The following POMT2 variants were observed in gnomAD, a reference collection of about 807,000 sequenced individuals.
POMT2 encodes protein O-mannosyl-transferase 2.
Under a neutral mutation model 100.0 loss-of-function variants are expected in POMT2, and 75 were observed. The observed-to-expected ratio is 0.75, with a 90% CI of 0.62 to 0.91. The LOEUF is 0.91. Ranked by LOEUF, POMT2 falls within the 40% of genes least tolerant of loss-of-function variation. The pLI, the probability that POMT2 is intolerant of heterozygous loss-of-function variation, is 0.00. For missense variants in POMT2, 940 were observed against 955.1 expected, an observed-to-expected ratio of 0.98 and a Z score of 0.21; for synonymous variants, 378 against 374.1, an observed-to-expected ratio of 1.01 and a Z score of -0.12.
intron 9 of POMT2, among the ~76,000 whole-genome samples, chr14:77,294,262 G>A (rs1479765768): frequency 6.6e-6 from 1 of 152,218 alleles, no homozygotes; most frequent in Non-Finnish European, 1.5e-5. Context: ...CGTGTTGTGG[G>A]AGGGACCCGG....
At chr14:77,279,977 G>A (rs763644188) in intron 17 of POMT2, 44 bp downstream of exon 17, 146 of 1,614,036 alleles carry the variant, frequency 9.0e-5, no homozygotes, top group Middle Eastern at 1.6e-4. Flanking sequence ...GCTCTCCACG[G>A]GCAAGTGCTC....
At chr14:77,305,752 G>A (rs1236233813) in intron 3 of POMT2, among the ~76,000 whole-genome samples, 3 of 152,222 alleles carry the variant, frequency 2.0e-5, no homozygotes, top group African/African-American at 7.2e-5. Context: ...TTAAGGCCCT[G>A]CCATGTTCCA....
intron 15 of POMT2, 124 bp from the exon 16 acceptor site, chr14:77,280,587 C>G (rs1412724346): frequency 1.3e-6 from 2 of 1,549,806 alleles, no homozygotes; most frequent in African/African-American, 2.7e-5. Flanking sequence ...CTTCCCTTCC[C>G]TTGCAGGGAA....
chr14:77,296,111 C>G, intron 9 of POMT2, 53 bp downstream of exon 9: 1 of 1,353,686 alleles, frequency 7.4e-7, no homozygotes, highest in Non-Finnish European at 1.0e-6. Context: ...AGAGAGTGAA[C>G]TGTCATGGCG....
intron 19 of POMT2, 38 bp from the exon 20 acceptor site, chr14:77,278,546 G>C: frequency 6.9e-7 from 1 of 1,443,916 alleles, no homozygotes; most frequent in Non-Finnish European, 9.5e-7. Flanking sequence ...CAGCCAGGCA[G>C]GGGGTGACTT....
chr14:77,302,884 T>C lies in POMT2; in HGVS notation c.607A>G (p.Ile203Val). 2 of 1,613,996 alleles carry C rather than the reference T, an allele frequency of 1.2e-6. No individual in the cohort carries two copies. The highest frequency in any genetic ancestry group is 1.7e-6 in the Non-Finnish European group (2 of 1,179,908). ...ACCATGCTCAGCATGGCAGCCATGA[T>C]GAAGAACATCAGGATGGGGTCAAGG... is the stretch of plus-strand genomic sequence containing the variant. ...ILLDPILMFF[I>V]MAAMLSMVKY... The change falls in exon 5 of 21, where the codon ATC becomes GTC. Residue 203 changes from isoleucine to valine, a missense_variant. Transcript: ENST00000261534.
Position 77,276,801 on chromosome 14 carries a change from CATTT to C in POMT2, c.*571_*574del, listed in dbSNP as rs1341782988. Reference sequence around the variant, plus strand: ...GGCGCGCCTTCCTCCACGCTGGATTCATTTGTTTGTGGGAGGGAGGGCAGCACAA... The same window carrying C: ...GGCGCGCCTTCCTCCACGCTGGATTCGTTTGTGGGAGGGAGGGCAGCACAA... On this transcript the variant is annotated 3_prime_UTR_variant, in exon 21 of 21. Coordinates refer to ENST00000261534, the MANE Select transcript of POMT2 (RefSeq NM_013382.7). 1 of 154,170 alleles carries C rather than the reference CATTT, an allele frequency of 6.5e-6. No individual in the cohort carries two copies. The highest frequency in any genetic ancestry group is 1.9e-4 in the East Asian group (1 of 5,232). The allele number at this position is 154,170 out of a possible 1,614,324, so 9.6% of individuals were successfully genotyped here.
chr14:77,282,377 G>A (rs574413603), intron 15 of POMT2, among the ~76,000 whole-genome samples: 10 of 152,232 alleles, frequency 6.6e-5, no homozygotes, highest in African/African-American at 2.4e-4. Flanking sequence ...CCAGGTCCCG[G>A]GCCACTACTC....
chr14:77,308,043 G>A lies in POMT2; in HGVS notation c.334-1602C>T, dbSNP rs1044412753. On this transcript the variant is annotated intron_variant, in intron 2 of 20. Coordinates refer to ENST00000261534, the MANE Select transcript of POMT2 (RefSeq NM_013382.7). ...CGCCCGGCTAATTTTTGTATTTTTA[G>A]TAGAGGCGGGGTTTCACCATCTTGG... is the stretch of plus-strand genomic sequence containing the variant. Among the ~76,000 whole-genome samples, 6 of 151,028 alleles carry A rather than the reference G, an allele frequency of 4.0e-5. No homozygotes were observed. In the East Asian group the frequency reaches 1.2e-3, roughly 30 times the overall value.
chr14:77,280,378 G>C lies in POMT2; in HGVS notation c.1725+14C>G, dbSNP rs200237748. On this transcript the variant is annotated intron_variant, in intron 16 of 20. Transcript: ENST00000261534. The stretch of plus-strand genomic sequence containing the variant: ...GCTCCATTTCCTGGGAGGAGCCCCA[G>C]CCTTGGATCCTACCTGATAGTTGAT... 1 of 1,612,140 alleles carries C rather than the reference G, an allele frequency of 6.2e-7. No homozygotes were observed. Among genetic ancestry groups the C allele is most frequent in the African/African-American group, 1.3e-5 (1 of 74,874 alleles).
intron 18 of POMT2, 156 bp downstream of exon 18, chr14:77,279,667 T>G (rs1011427263): frequency 1.3e-6 from 1 of 755,940 alleles, no homozygotes. Flanking sequence ...CAGCACTGGG[T>G]ACTTGGGGGT....
At chr14:77,283,763 T>A (rs1890312844) in intron 15 of POMT2, 34 bp downstream of exon 15, 5 of 1,545,864 alleles carry the variant, frequency 3.2e-6, no homozygotes, top group South Asian at 1.1e-5. Flanking sequence ...CAAAAGCTCT[T>A]AGAGACGCCA....
chr14:77,308,356 G>GT (rs529559494), intron 2 of POMT2, among the ~76,000 whole-genome samples: 71,225 of 128,370 alleles, frequency 0.55, 19,986 homozygotes, highest in East Asian at 0.89. Context: ...AAGTTTTTTT[G>GT]TTTTTTTTTT....
intron 10 of POMT2, among the ~76,000 whole-genome samples, chr14:77,290,698 G>A (rs1028064297): frequency 2.6e-5 from 4 of 152,224 alleles, no homozygotes; most frequent in East Asian, 1.9e-4. Context: ...TCTAGCTCTT[G>A]CTCTGTCATA....
chr14:77,302,296 A>C (rs992381118), intron 5 of POMT2, among the ~76,000 whole-genome samples: 2 of 152,252 alleles, frequency 1.3e-5, no homozygotes, highest in African/African-American at 4.8e-5. Context: ...ACCTGGAAGG[A>C]TCCTCTTGGC....
intron 15 of POMT2, among the ~76,000 whole-genome samples, chr14:77,282,823 T>C (rs918014176): frequency 1.3e-5 from 2 of 152,226 alleles, no homozygotes; most frequent in Non-Finnish European, 2.9e-5. Flanking sequence ...CACTTGACAA[T>C]GGCTTACCAG....
In POMT2 at chr14:77,301,238, G is replaced by A. The variant is rs1891029005; in HGVS notation, c.668C>T (p.Ala223Val). ...YNSCADRPFS[A>V]PWWFWLSLTG... ...CAGGCTGAGCCAGAACCACCAGGGG[G>A]CAGAGAAGGGCCTGAAAATCAACAA... is the stretch of plus-strand genomic sequence containing the variant. The change falls in exon 6 of 21, where the codon GCC (alanine) becomes GTC (valine). Residue 223 changes from alanine (A) to valine (V), a missense_variant. Ala to Val is a moderately conservative substitution (Grantham distance 64). Transcript: ENST00000261534. 6.2e-7 allele frequency: 1 copy of A among 1,614,184 alleles called. No individual in the cohort carries two copies. The highest frequency in any genetic ancestry group is 2.2e-5 in the East Asian group (1 of 44,882).
chr14:77,308,598 C>T (rs1373539139), intron 2 of POMT2, among the ~76,000 whole-genome samples: 2 of 152,036 alleles, frequency 1.3e-5, no homozygotes, highest in South Asian at 2.1e-4. Context: ...TCAGGTGATC[C>T]GCCCGCCTCG....
intron 15 of POMT2, 94 bp downstream of exon 15, chr14:77,283,703 G>T (rs547345383): frequency 1.8e-5 from 19 of 1,079,320 alleles, no homozygotes; most frequent in Non-Finnish European, 2.0e-5. Flanking sequence ...CCACAAGGGG[G>T]AATGGATCTG....
Sources: gnomAD v4.1 joint callset for allele counts (sites outside exome capture counted in the v4.1 genomes callset) on GRCh38, gnomAD v4.1.1 for gene constraint, MANE v1.5 for transcripts, NCBI Gene and HGNC (gene_info 2026-07-23, HGNC 2026-07-21) for gene names.